Variants in LRMDA observed in about 807,000 individuals in gnomAD.
LRMDA encodes leucine-rich melanocyte differentiation-associated protein.
In LRMDA, 18 loss-of-function variants were observed where a neutral mutation model predicts 29.8. The observed-to-expected ratio is 0.60, with a 90% confidence interval of 0.42 to 0.90. The LOEUF (loss-of-function observed/expected upper bound fraction) is 0.90, where lower values mean the gene tolerates loss of function less well. Ranked by LOEUF, LRMDA falls within the 40% of genes least tolerant of loss-of-function variation. LRMDA has a pLI of 0.00. For synonymous variants in LRMDA, 125 were observed against 109.4 expected (o/e 1.14, Z -0.89); for missense variants, 273 against 273.9 (o/e 1.00, Z 0.02).
chr10:75,789,267 A>G (rs1265588489), intron 2 of LRMDA, among the ~76,000 whole-genome samples: 1 of 152,254 alleles, frequency 6.6e-6, no homozygotes, highest in Non-Finnish European at 1.5e-5. Context: ...TTGTGACTAC[A>G]TAGCACTTAC....
At chr10:75,847,193 A>G (rs750343235) in intron 2 of LRMDA, among the ~76,000 whole-genome samples, 1 of 152,316 alleles carries the variant, frequency 6.6e-6, no homozygotes, top group Non-Finnish European at 1.5e-5. Context: ...GAGTTCAGAA[A>G]TTGACCATTG....
intron 2 of LRMDA, among the ~76,000 whole-genome samples, chr10:75,692,210 A>G (rs1281940107): frequency 2.0e-4 from 7 of 34,548 alleles, no homozygotes; most frequent in Non-Finnish European, 2.9e-4. Flanking sequence ...TCTGGGGGGA[A>G]AAAAAAAAAA....
intron 2 of LRMDA, among the ~76,000 whole-genome samples, chr10:75,769,770 T>C (rs1843215167): frequency 6.6e-6 from 1 of 152,226 alleles, no homozygotes; most frequent in African/African-American, 2.4e-5. Flanking sequence ...TCTTGTCTTG[T>C]GTAGCCGCTT....
intron 6 of LRMDA, among the ~76,000 whole-genome samples, chr10:76,431,552 C>T (rs1842190812): frequency 6.6e-6 from 1 of 152,158 alleles, no homozygotes; most frequent in Non-Finnish European, 1.5e-5. Context: ...ATAATGGTGC[C>T]TTGCTCTAGG....
chr10:76,353,675 G>A (rs1238230535), intron 6 of LRMDA, among the ~76,000 whole-genome samples: 1 of 152,090 alleles, frequency 6.6e-6, no homozygotes, highest in African/African-American at 2.4e-5. Flanking sequence ...TAATCACAGT[G>A]CACAGTCTGG....
At chr10:76,455,560 AG>A (rs1308751288) in intron 6 of LRMDA, among the ~76,000 whole-genome samples, 2 of 152,164 alleles carry the variant, frequency 1.3e-5, no homozygotes, top group African/African-American at 4.8e-5. Flanking sequence ...GGGTAACTTA[AG>A]GGTCTATGCT....
At chr10:75,449,128 G>A (rs1314984990) in intron 2 of LRMDA, among the ~76,000 whole-genome samples, 3 of 149,906 alleles carry the variant, frequency 2.0e-5, no homozygotes, top group Non-Finnish European at 4.4e-5. Context: ...CTCCAGCCTG[G>A]GCGACAGAGT....
intron 2 of LRMDA, among the ~76,000 whole-genome samples, chr10:75,524,461 G>A (rs185624179): frequency 2.0e-4 from 31 of 152,256 alleles, no homozygotes; most frequent in Middle Eastern, 6.8e-3. Flanking sequence ...GGGTCTTGGT[G>A]ATGTAATTTA....
chr10:76,544,734 A>ACT (rs1451420857), intron 6 of LRMDA, among the ~76,000 whole-genome samples: 1 of 151,684 alleles, frequency 6.6e-6, no homozygotes, highest in Non-Finnish European at 1.5e-5. Flanking sequence ...ACACACACAC[A>ACT]CACACACACA....
At chr10:76,272,919 G>T (rs1564707179) in intron 5 of LRMDA, among the ~76,000 whole-genome samples, 1 of 152,126 alleles carries the variant, frequency 6.6e-6, no homozygotes, top group Non-Finnish European at 1.5e-5. Flanking sequence ...CAGCATGGAG[G>T]AAACTGCCCC....
chr10:76,277,187 A>G (rs1319442100), intron 5 of LRMDA, among the ~76,000 whole-genome samples: 4 of 152,076 alleles, frequency 2.6e-5, no homozygotes, highest in African/African-American at 9.7e-5. Context: ...GGAGTTTGAG[A>G]TTTCCATGGT....
At chr10:75,443,261 T>C (rs1844350792) in intron 2 of LRMDA, among the ~76,000 whole-genome samples, 1 of 152,074 alleles carries the variant, frequency 6.6e-6, no homozygotes. Flanking sequence ...ATGGTGAGAG[T>C]GGGCATCCTT....
At chr10:75,575,220 A>T (rs1840488943) in intron 2 of LRMDA, among the ~76,000 whole-genome samples, 2 of 152,198 alleles carry the variant, frequency 1.3e-5, no homozygotes, top group South Asian at 4.1e-4. Flanking sequence ...AATTCATGAG[A>T]TATTGGGTGG....
intron 2 of LRMDA, among the ~76,000 whole-genome samples, chr10:75,632,629 C>A (rs1158026973): frequency 6.6e-6 from 1 of 151,942 alleles, no homozygotes; most frequent in African/African-American, 2.4e-5. Context: ...AAAAAAAGAT[C>A]AGATTTTCTT....
intron 2 of LRMDA, among the ~76,000 whole-genome samples, chr10:75,616,435 G>A (rs1051188488): frequency 1.3e-5 from 2 of 152,080 alleles, no homozygotes; most frequent in African/African-American, 2.4e-5. Context: ...ATCAATTAAA[G>A]GAAAAAATAT....
At chr10:75,538,976 T>C (rs1220581445) in intron 2 of LRMDA, among the ~76,000 whole-genome samples, 1 of 152,220 alleles carries the variant, frequency 6.6e-6, no homozygotes, top group Non-Finnish European at 1.5e-5. Context: ...GCCATCCCTA[T>C]ATTAGTGTTG....
At chr10:75,730,091 A>G (rs1441387845) in intron 2 of LRMDA, among the ~76,000 whole-genome samples, 2 of 152,154 alleles carry the variant, frequency 1.3e-5, no homozygotes, top group African/African-American at 4.8e-5. Flanking sequence ...TTGGTATTAC[A>G]GGTGTGAACC....
chr10:76,273,139 A>T (rs986956323), intron 5 of LRMDA, among the ~76,000 whole-genome samples: 11 of 151,674 alleles, frequency 7.3e-5, no homozygotes, highest in Non-Finnish European at 1.5e-4. Flanking sequence ...TGACAGTGCT[A>T]CATATATTGT....
intron 2 of LRMDA, among the ~76,000 whole-genome samples, chr10:75,573,069 G>C (rs531022427): frequency 6.6e-6 from 1 of 152,202 alleles, no homozygotes; most frequent in Non-Finnish European, 1.5e-5. Flanking sequence ...AAGCCACCCA[G>C]TCTGTGGTGT....
Sources: gnomAD v4.1 joint callset for allele counts (sites outside exome capture counted in the v4.1 genomes callset) on GRCh38, gnomAD v4.1.1 for gene constraint, MANE v1.5 for transcripts, NCBI Gene and HGNC (gene_info 2026-07-23, HGNC 2026-07-21) for gene names.